Variants in SYT1 observed in about 807,000 individuals in gnomAD.
SYT1 encodes the protein synaptotagmin 1, also known as synaptotagmin-1.
SYT1 carries 8 observed loss-of-function variants against 44.8 expected under a neutral mutation model. The ratio of observed to expected loss-of-function variants is 0.18; its 90% CI spans 0.10 to 0.32. The LOEUF is 0.32. Among genes scored for constraint, SYT1 ranks in the 10% least tolerant of loss-of-function variants. The probability of loss-of-function intolerance (pLI) is 1.00; values close to 1 mark genes in which losing one functional copy is unlikely to be tolerated. For missense variants in SYT1, 286 were observed against 509.3 expected, an observed-to-expected ratio of 0.56 and a Z score of 4.22; for synonymous variants, 154 against 188.8, an observed-to-expected ratio of 0.82 and a Z score of 1.51.
At chr12:79,104,224 A>G (rs751708187) in intron 3 of SYT1, among the ~76,000 whole-genome samples, 42 of 152,042 alleles carry the variant, frequency 2.8e-4, no homozygotes, top group South Asian at 1.7e-3. Flanking sequence ...TTCAAAATAC[A>G]GAGTTCTTTT....
intron 8 of SYT1, among the ~76,000 whole-genome samples, chr12:79,348,921 A>T (rs1275937224): frequency 6.7e-6 from 1 of 149,200 alleles, no homozygotes; most frequent in Admixed American, 6.6e-5. Context: ...GGAAGAAAGG[A>T]AAAAAGAAAG....
intron 9 of SYT1, among the ~76,000 whole-genome samples, chr12:79,404,814 A>G (rs1335393130): frequency 6.6e-6 from 1 of 152,176 alleles, no homozygotes; most frequent in Non-Finnish European, 1.5e-5. Context: ...TTTTTATATC[A>G]GCTATCACGA....
rs60179268 is a variant in SYT1 at position 79,253,483 on chromosome 12, GTCTCTCTCTC to G, written c.167-32271_167-32262del. On this transcript the variant is annotated intron_variant, in intron 4 of 10. Coordinates refer to ENST00000261205, the MANE Select transcript of SYT1 (RefSeq NM_005639.3). ...CTGTTCCACCAAAAGCCATTGCCCAGTCTCTCTCTCTCTCTCTCTCTCTCTCTCTCTCTCT... is the reference window on the plus strand; with the variant it reads ...CTGTTCCACCAAAAGCCATTGCCCAGTCTCTCTCTCTCTCTCTCTCTCTCT... Among the ~76,000 whole-genome samples, 1,155 of 129,468 alleles carry G rather than the reference GTCTCTCTCTC, an allele frequency of 8.9e-3. 21 individuals carry two copies. The highest frequency in any genetic ancestry group is 0.07 in the East Asian group (292 of 4,178). 84.9% of individuals were successfully genotyped at this position (129,468 alleles called of 152,430 possible). A position where few individuals can be genotyped will look rare whatever the true frequency, so the allele number is the denominator to read the frequency against.
chr12:79,089,462 G>A (rs1233115366), intron 3 of SYT1, among the ~76,000 whole-genome samples: 2 of 148,650 alleles, frequency 1.3e-5, no homozygotes, highest in Non-Finnish European at 3.0e-5. Context: ...CCTGGTACAT[G>A]CTTGCCACTC....
chr12:79,448,281 T>C (rs1226844831), intron 10 of SYT1, among the ~76,000 whole-genome samples: 2 of 152,230 alleles, frequency 1.3e-5, no homozygotes, highest in African/African-American at 4.8e-5. Context: ...TAAGAGAACG[T>C]ATGGATGAGA....
At chr12:79,228,193 A>C (rs935605119) in intron 4 of SYT1, among the ~76,000 whole-genome samples, 1 of 151,896 alleles carries the variant, frequency 6.6e-6, no homozygotes, top group Non-Finnish European at 1.5e-5. Flanking sequence ...TGCTCTAAAA[A>C]TTTCTTCCCC....
intron 4 of SYT1, among the ~76,000 whole-genome samples, chr12:79,229,288 A>G (rs1875717511): frequency 6.6e-6 from 1 of 152,264 alleles, no homozygotes; most frequent in Admixed American, 6.5e-5. Flanking sequence ...AAAAATTAAC[A>G]TTAAAGCAAA....
chr12:79,450,508 T>C lies in SYT1; in HGVS notation c.*1384T>C, dbSNP rs948123065. 4 of 152,722 alleles carry C rather than the reference T, an allele frequency of 2.6e-5. No individual in the cohort carries two copies. The highest frequency in any genetic ancestry group is 2.1e-4 in the South Asian group (1 of 4,824). The allele number at this position is 152,722 out of a possible 1,614,324, so 9.5% of individuals were successfully genotyped here. A position where few individuals can be genotyped will look rare whatever the true frequency, so the allele number is the denominator to read the frequency against. On this transcript the variant is annotated 3_prime_UTR_variant, in exon 11 of 11. Transcript: ENST00000261205. Reference sequence around the variant, plus strand: ...GAGTTTTTAAACGTTTTCAATGTTATTATGTAGTAAATGACACTATTATGA... The same window carrying C: ...GAGTTTTTAAACGTTTTCAATGTTACTATGTAGTAAATGACACTATTATGA...
chr12:78,884,029 C>CAAAT (rs71091628), intron 1 of SYT1, among the ~76,000 whole-genome samples: 76,999 of 150,502 alleles, frequency 0.51, 19,934 homozygotes, highest in Non-Finnish European at 0.55. Flanking sequence ...TTAAAATACT[C>CAAAT]AATCTAATAA....
At chr12:79,379,807 A>T (rs999579157) in intron 9 of SYT1, among the ~76,000 whole-genome samples, 2 of 152,216 alleles carry the variant, frequency 1.3e-5, no homozygotes, top group Non-Finnish European at 2.9e-5. Flanking sequence ...CTATGAGCAT[A>T]AAAAACTATA....
At chr12:79,091,078 G>A (rs1277996567) in intron 3 of SYT1, among the ~76,000 whole-genome samples, 1 of 151,914 alleles carries the variant, frequency 6.6e-6, no homozygotes, top group Non-Finnish European at 1.5e-5. Context: ...TCAGAGCCAT[G>A]CTTTGTGTCT....
intron 10 of SYT1, 119 bp downstream of exon 10, chr12:79,444,325 T>C: frequency 2.5e-6 from 3 of 1,223,826 alleles, no homozygotes; most frequent in Non-Finnish European, 3.4e-6. Context: ...TGCCATTCTT[T>C]CTCCCCATGC....
chr12:78,959,605 A>G (rs961750805), intron 1 of SYT1, among the ~76,000 whole-genome samples: 1 of 152,176 alleles, frequency 6.6e-6, no homozygotes, highest in African/African-American at 2.4e-5. Flanking sequence ...AATTCTAGCA[A>G]GAGACACCTA....
intron 9 of SYT1, among the ~76,000 whole-genome samples, chr12:79,404,797 G>C (rs946088302): frequency 1.3e-5 from 2 of 152,142 alleles, no homozygotes; most frequent in African/African-American, 4.8e-5. Context: ...TATTTGCGGA[G>C]CCTAATTTTT....
At chr12:78,925,812 A>C (rs1411968417) in intron 1 of SYT1, among the ~76,000 whole-genome samples, 1 of 152,028 alleles carries the variant, frequency 6.6e-6, no homozygotes, top group Non-Finnish European at 1.5e-5. Context: ...GTATGAAACC[A>C]AATAAGAATG....
At chr12:79,337,721 C>A (rs1882158031) in intron 8 of SYT1, among the ~76,000 whole-genome samples, 1 of 152,188 alleles carries the variant, frequency 6.6e-6, no homozygotes, top group Non-Finnish European at 1.5e-5. Context: ...ATGAACGCTC[C>A]AGGATCAAGA....
At chr12:79,134,262 G>T (rs1487486449) in intron 3 of SYT1, among the ~76,000 whole-genome samples, 2 of 152,158 alleles carry the variant, frequency 1.3e-5, no homozygotes, top group Admixed American at 1.3e-4. Flanking sequence ...ATCAATGTAA[G>T]GAATCTAGGT....
At chr12:79,444,523 C>A (rs1235132052) in intron 10 of SYT1, among the ~76,000 whole-genome samples, 2 of 152,148 alleles carry the variant, frequency 1.3e-5, no homozygotes, top group Non-Finnish European at 2.9e-5. Context: ...AAACTATGAG[C>A]TTTCACTATT....
chr12:79,193,580 A>G (rs1873259041), intron 3 of SYT1, among the ~76,000 whole-genome samples: 1 of 152,068 alleles, frequency 6.6e-6, no homozygotes, highest in Non-Finnish European at 1.5e-5. Context: ...AGATTCATCA[A>G]AGCTGGGTAT....
Sources: allele counts gnomAD v4.1 joint callset (sites outside exome capture counted in the v4.1 genomes callset), GRCh38; gene constraint gnomAD v4.1.1; transcripts MANE v1.5; gene names NCBI Gene and HGNC (gene_info 2026-07-23, HGNC 2026-07-21).